The following CSMD1 variants were observed in gnomAD, a reference collection of about 807,000 sequenced individuals.
CSMD1 encodes CUB and sushi domain-containing protein 1.
CSMD1 carries 213 observed loss-of-function variants against 417.5 expected under a neutral mutation model. That is an observed-to-expected ratio of 0.51 (90% CI 0.46 to 0.57). The LOEUF (loss-of-function observed/expected upper bound fraction) is 0.57. CSMD1 is among the 20% of genes least tolerant of loss of function. The probability of loss-of-function intolerance (pLI) is 0.00; values close to 1 mark genes in which losing one functional copy is unlikely to be tolerated. For synonymous variants in CSMD1, 2,862 were observed against 1,736.8 expected, an observed-to-expected ratio of 1.65 and a Z score of -16.11; for missense variants, 6,923 against 4,529.7, an observed-to-expected ratio of 1.53 and a Z score of -15.17.
chr8:4,469,568 T>C (rs912380163), intron 2 of CSMD1, among the ~76,000 whole-genome samples: 3 of 152,170 alleles, frequency 2.0e-5, no homozygotes, highest in Non-Finnish European at 2.9e-5. Context: ...ATTCTTTCAG[T>C]AGCTTGTGCA....
chr8:4,964,234 C>A (rs1433248536), intron 1 of CSMD1, among the ~76,000 whole-genome samples: 1 of 151,866 alleles, frequency 6.6e-6, no homozygotes, highest in Non-Finnish European at 1.5e-5. Flanking sequence ...TAGCAGGCAG[C>A]CAGGTATGGT....
intron 51 of CSMD1, among the ~76,000 whole-genome samples, chr8:3,028,149 T>G (rs1810082950): frequency 6.6e-6 from 1 of 152,074 alleles, no homozygotes; most frequent in Non-Finnish European, 1.5e-5. Flanking sequence ...AATTAATAAG[T>G]GTCTGTTTTT....
chr8:4,776,662 G>C (rs1796868736), intron 1 of CSMD1, among the ~76,000 whole-genome samples: 1 of 152,162 alleles, frequency 6.6e-6, no homozygotes, highest in Non-Finnish European at 1.5e-5. Flanking sequence ...ACTGACATAA[G>C]TCAGGATTCT....
At chr8:3,589,676 C>G (rs1040347682) in intron 8 of CSMD1, among the ~76,000 whole-genome samples, 2 of 151,876 alleles carry the variant, frequency 1.3e-5, no homozygotes, top group Non-Finnish European at 2.9e-5. Context: ...CTCAGGAGAT[C>G]TACTACACAG....
intron 3 of CSMD1, among the ~76,000 whole-genome samples, chr8:4,231,480 G>C (rs1034776471): frequency 3.9e-5 from 6 of 151,942 alleles, no homozygotes; most frequent in African/African-American, 1.5e-4. Flanking sequence ...CTCAGGGCCA[G>C]CTCTCTCACG....
At chr8:4,456,719 C>T (rs1024932411) in intron 2 of CSMD1, among the ~76,000 whole-genome samples, 4 of 152,122 alleles carry the variant, frequency 2.6e-5, no homozygotes, top group Non-Finnish European at 5.9e-5. Context: ...TGTGGACCCC[C>T]TGCTGCATCA....
At chr8:4,286,851 A>G (rs1797086496) in intron 3 of CSMD1, among the ~76,000 whole-genome samples, 1 of 152,128 alleles carries the variant, frequency 6.6e-6, no homozygotes, top group South Asian at 2.1e-4. Context: ...TTATTAGGAG[A>G]TGTGCACTAA....
chr8:4,193,895 C>T (rs546614455), intron 3 of CSMD1, among the ~76,000 whole-genome samples: 9 of 151,700 alleles, frequency 5.9e-5, no homozygotes, highest in African/African-American at 1.7e-4. Flanking sequence ...GCCACCTCCA[C>T]GAAGGAAAGC....
At chr8:4,139,384 C>A (rs1188302089) in intron 3 of CSMD1, among the ~76,000 whole-genome samples, 1 of 152,070 alleles carries the variant, frequency 6.6e-6, no homozygotes, top group Non-Finnish European at 1.5e-5. Context: ...GGTGTTTGAG[C>A]TGCTTTTAAG....
intron 1 of CSMD1, among the ~76,000 whole-genome samples, chr8:4,770,252 T>C (rs949579801): frequency 1.3e-5 from 2 of 148,386 alleles, no homozygotes; most frequent in African/African-American, 4.9e-5. Context: ...TATGTATTCC[T>C]AATTACATAT....
At chr8:4,453,053 G>C (rs1225657579) in intron 2 of CSMD1, among the ~76,000 whole-genome samples, 1 of 152,116 alleles carries the variant, frequency 6.6e-6, no homozygotes, top group African/African-American at 2.4e-5. Context: ...AGCATGTTGT[G>C]CTAGGACCAT....
chr8:4,579,268 C>A lies in CSMD1; in HGVS notation c.302+58074G>T, dbSNP rs1427594397. Reference sequence around the variant, plus strand: ...GTTTAAACATACATACATATATATACATATATATATGTATATATATAAAAA... The same window carrying A: ...GTTTAAACATACATACATATATATAAATATATATATGTATATATATAAAAA... On this transcript the variant is annotated intron_variant, in intron 2 of 69. Coordinates refer to ENST00000635120, the MANE Select transcript of CSMD1 (RefSeq NM_033225.6). Among the ~76,000 whole-genome samples, 4 of 149,324 alleles carry A rather than the reference C, an allele frequency of 2.7e-5. 1 individual carries two copies. The highest frequency in any genetic ancestry group is 1.0e-4 in the African/African-American group (4 of 39,834).
chr8:3,954,695 C>A (rs1033093155), intron 5 of CSMD1, among the ~76,000 whole-genome samples: 1 of 152,238 alleles, frequency 6.6e-6, no homozygotes, highest in Admixed American at 6.5e-5. Context: ...CCCCTCTTTC[C>A]CATGATTCTT....
intron 3 of CSMD1, among the ~76,000 whole-genome samples, chr8:4,107,201 T>G (rs1441967122): frequency 6.6e-6 from 1 of 152,188 alleles, no homozygotes; most frequent in Non-Finnish European, 1.5e-5. Flanking sequence ...TGAAAAACAC[T>G]TGCACTACTA....
At chr8:4,317,693 G>C (rs577525256) in intron 3 of CSMD1, among the ~76,000 whole-genome samples, 16 of 152,206 alleles carry the variant, frequency 1.1e-4, no homozygotes, top group African/African-American at 3.4e-4. Flanking sequence ...AGACTTAGAA[G>C]TGAGGTAACA....
At chr8:4,313,507 G>GAAAAAAA (rs34466873) in intron 3 of CSMD1, among the ~76,000 whole-genome samples, 2 of 136,798 alleles carry the variant, frequency 1.5e-5, no homozygotes, top group Non-Finnish European at 3.1e-5. Flanking sequence ...ATGTCAAAAT[G>GAAAAAAA]AAAAAAAAAA....
At chr8:4,966,129 C>T (rs190850843) in intron 1 of CSMD1, among the ~76,000 whole-genome samples, 249 of 148,534 alleles carry the variant, frequency 1.7e-3, no homozygotes, top group African/African-American at 6.0e-3. Flanking sequence ...TTTGGGAGGC[C>T]GAGGCAGGTG....
At chr8:4,931,559 A>G (rs547505438) in intron 1 of CSMD1, among the ~76,000 whole-genome samples, 1 of 141,650 alleles carries the variant, frequency 7.1e-6, no homozygotes, top group African/African-American at 2.5e-5. Context: ...CACCCAGACT[A>G]TAGCTGATTT....
intron 5 of CSMD1, among the ~76,000 whole-genome samples, chr8:3,833,195 T>C (rs1373831612): frequency 2.0e-5 from 3 of 152,174 alleles, no homozygotes; most frequent in African/African-American, 4.8e-5. Context: ...GTCCAAAGAA[T>C]TTTTAATCAA....
Sources: gnomAD v4.1 joint callset for allele counts (sites outside exome capture counted in the v4.1 genomes callset) on GRCh38, gnomAD v4.1.1 for gene constraint, MANE v1.5 for transcripts, NCBI Gene and HGNC (gene_info 2026-07-23, HGNC 2026-07-21) for gene names.